The following CNKSR2 variants were observed in gnomAD, a reference collection of about 807,000 sequenced individuals.
The protein encoded by CNKSR2 is connector enhancer of kinase suppressor of Ras 2, also known as CNK homolog protein 2.
In CNKSR2, 14 loss-of-function variants were observed where a neutral mutation model predicts 84.4. That is an observed-to-expected ratio of 0.17 (90% CI 0.11 to 0.26). The LOEUF is 0.26. CNKSR2 is among the 10% of genes least tolerant of loss of function. The pLI is 1.00. For synonymous variants in CNKSR2, 275 were observed against 277.9 expected (o/e 0.99, Z 0.10); for missense variants, 485 against 771.2 (o/e 0.63, Z 4.40).
intron 1 of CNKSR2, among the ~76,000 whole-genome samples, chrX:21,421,665 T>G (rs2090498773): frequency 9.0e-6 from 1 of 111,511 alleles, no homozygotes; most frequent in Non-Finnish European, 1.9e-5. Context: ...TGGTAATCTT[T>G]TTTTTATTTT....
intron 20 of CNKSR2, among the ~76,000 whole-genome samples, chrX:21,619,734 A>T (rs2092593609): frequency 9.0e-6 from 1 of 111,051 alleles, no homozygotes; most frequent in African/African-American, 3.3e-5. Context: ...TCTTGGTGAG[A>T]GAAAATAGCC....
chrX:21,624,789 T>C (rs919980932), intron 20 of CNKSR2, among the ~76,000 whole-genome samples: 25 of 112,384 alleles, frequency 2.2e-4, no homozygotes, highest in African/African-American at 8.1e-4. Flanking sequence ...GGTAGAATTA[T>C]GATGTATTAA....
Position 21,573,627 on chromosome X carries a change from G to A in CNKSR2, c.1608+10175G>A, listed in dbSNP as rs776102661. Among the ~76,000 whole-genome samples the A allele has an allele frequency of 5.4e-5, 6 of 112,051 alleles. No homozygotes were observed. The South Asian group carries it at 2.2e-3, about 42-fold the overall frequency. Reference sequence around the variant, plus strand: ...GGGGCTTGCACCCTCTGAAGCCATGGCCCAACCTATACCTTGGCCCCTTTT... The same window carrying A: ...GGGGCTTGCACCCTCTGAAGCCATGACCCAACCTATACCTTGGCCCCTTTT... On this transcript the variant is annotated intron_variant, in intron 13 of 21. Coordinates refer to ENST00000379510, the MANE Select transcript of CNKSR2 (RefSeq NM_014927.5).
chrX:21,409,228 TTATATA>T (rs57301315), intron 1 of CNKSR2, among the ~76,000 whole-genome samples: 1,096 of 38,303 alleles, frequency 0.029, 18 homozygotes, highest in South Asian at 0.036. Context: ...AATGAAAAAA[TTATATA>T]TATATATATA....
intron 8 of CNKSR2, among the ~76,000 whole-genome samples, chrX:21,502,491 G>A (rs1227876523): frequency 1.8e-5 from 2 of 109,844 alleles, no homozygotes; most frequent in African/African-American, 6.6e-5. Flanking sequence ...ACTCATCAGA[G>A]TGAGTAATTA....
At chrX:21,467,963 T>G (rs989878422) in intron 4 of CNKSR2, among the ~76,000 whole-genome samples, 1 of 111,680 alleles carries the variant, frequency 9.0e-6, no homozygotes, top group Non-Finnish European at 1.9e-5. Context: ...ATGTTGAATT[T>G]TATTTCCTGT....
chrX:21,393,688 A>G (rs973131777), intron 1 of CNKSR2, among the ~76,000 whole-genome samples: 3 of 112,457 alleles, frequency 2.7e-5, no homozygotes, highest in African/African-American at 9.7e-5. Flanking sequence ...GATGGTGAGA[A>G]GTAGACTTGG....
In CNKSR2 at chrX:21,464,525, G is replaced by T. The variant is rs774896392; in HGVS notation, c.520-6241G>T. Among the ~76,000 whole-genome samples, 234 of 111,785 alleles carry T rather than the reference G, an allele frequency of 2.1e-3. 1 individual carries two copies. Among genetic ancestry groups the T allele is most frequent in the Non-Finnish European group, 3.6e-3 (189 of 53,112 alleles). ...CAATCCCTCCTCCACCCTTTCTAGA[G>T]ATAAAACATCCACTTTAGTATGTCT... On this transcript the variant is annotated intron_variant, in intron 4 of 21. Coordinates refer to ENST00000379510, the MANE Select transcript of CNKSR2 (RefSeq NM_014927.5).
chrX:21,497,973 A>C (rs2091519444), intron 7 of CNKSR2, 127 bp downstream of exon 7: 2 of 400,509 alleles, frequency 5.0e-6, no homozygotes, highest in Non-Finnish European at 8.8e-6. Flanking sequence ...GATACAATTT[A>C]AAAGAGATAC....
chrX:21,449,121 T>C (rs546904615), intron 4 of CNKSR2, among the ~76,000 whole-genome samples: 24 of 110,519 alleles, frequency 2.2e-4, no homozygotes, highest in Middle Eastern at 4.6e-3. Flanking sequence ...CTGGCCAACA[T>C]GGTGAAACCC....
intron 5 of CNKSR2, among the ~76,000 whole-genome samples, chrX:21,478,433 T>G (rs1452536813): frequency 8.9e-6 from 1 of 112,251 alleles, no homozygotes; most frequent in African/African-American, 3.2e-5. Context: ...ATGTGAAGAA[T>G]TAAAATAATC....
intron 13 of CNKSR2, among the ~76,000 whole-genome samples, chrX:21,589,304 AATT>A (rs2092406618): frequency 8.9e-6 from 1 of 112,360 alleles, no homozygotes; most frequent in Middle Eastern, 4.6e-3. Flanking sequence ...ACAGAACAAA[AATT>A]ATTATATAAG....
intron 13 of CNKSR2, among the ~76,000 whole-genome samples, chrX:21,568,558 A>G (rs1199245773): frequency 1.8e-5 from 2 of 111,766 alleles, no homozygotes; most frequent in Non-Finnish European, 3.8e-5. Context: ...ATGTCTCATA[A>G]GTACTTTCAG....
chrX:21,460,906 T>G (rs2091052681), intron 4 of CNKSR2, among the ~76,000 whole-genome samples: 1 of 112,389 alleles, frequency 8.9e-6, no homozygotes, highest in Non-Finnish European at 1.9e-5. Context: ...AGTACTCCAT[T>G]GTACTACATT....
intron 1 of CNKSR2, among the ~76,000 whole-genome samples, chrX:21,413,961 T>G (rs1325535410): frequency 9.2e-6 from 1 of 109,176 alleles, no homozygotes; most frequent in Admixed American, 9.7e-5. Context: ...TTCACAGAAA[T>G]AGAAAAAAAA....
chrX:21,389,628 A>G lies in CNKSR2; in HGVS notation c.64+14667A>G, dbSNP rs1025574836. ...TTGGGATATAGAGTTGTTCTTCACT[A>G]TGTGGGATTGTTCCATCCATGGATC... On this transcript the variant is annotated intron_variant, in intron 1 of 21. Transcript: ENST00000379510. 7.1e-5 allele frequency among the ~76,000 whole-genome samples: 8 copies of G among 111,999 alleles called. No individual in the cohort carries two copies. The South Asian group carries it at 1.5e-3, about 21-fold the overall frequency.
intron 11 of CNKSR2, among the ~76,000 whole-genome samples, chrX:21,554,660 A>G (rs1270642147): frequency 9.0e-6 from 1 of 111,675 alleles, no homozygotes; most frequent in African/African-American, 3.3e-5. Context: ...AAACAACATG[A>G]TCTTGTTCTT....
At chrX:21,612,903 G>C (rs2092557810) in intron 20 of CNKSR2, among the ~76,000 whole-genome samples, 1 of 111,998 alleles carries the variant, frequency 8.9e-6, no homozygotes, top group Non-Finnish European at 1.9e-5. Flanking sequence ...ATTTAACTGA[G>C]TCATACTGTG....
chrX:21,407,385 A>G (rs2090278240), intron 1 of CNKSR2, among the ~76,000 whole-genome samples: 1 of 111,690 alleles, frequency 9.0e-6, no homozygotes, highest in Non-Finnish European at 1.9e-5. Context: ...TAGTTAAGAC[A>G]GATGTACCTG....
Sources: allele counts gnomAD v4.1 joint callset (sites outside exome capture counted in the v4.1 genomes callset), GRCh38; gene constraint gnomAD v4.1.1; transcripts MANE v1.5; gene names NCBI Gene and HGNC (gene_info 2026-07-23, HGNC 2026-07-21).